Variants in MAF observed in about 807,000 individuals in gnomAD.
MAF encodes the protein transcription factor Maf.
MAF carries 10 observed loss-of-function variants against 22.0 expected under a neutral mutation model. That is an observed-to-expected ratio of 0.45 (90% CI 0.28 to 0.77). The LOEUF is 0.77. Among genes scored for constraint, MAF ranks in the 30% least tolerant of loss-of-function variants. MAF has a pLI of 0.12. For synonymous variants in MAF, 337 were observed against 255.8 expected (o/e 1.32, Z -3.03); for missense variants, 544 against 548.4 (o/e 0.99, Z 0.08).
chr16:79,450,065 T>C, the MAF span, among the ~76,000 whole-genome samples: 12 of 152,218 alleles, frequency 7.9e-5, no homozygotes, highest in Admixed American at 3.3e-4. Context: ...CCTCTTTCCA[T>C]AGTATTCCCT....
At chr16:79,221,827 A>G in the MAF span, among the ~76,000 whole-genome samples, 1 of 152,196 alleles carries the variant, frequency 6.6e-6, no homozygotes, top group Non-Finnish European at 1.5e-5. Flanking sequence ...GAACAGACTA[A>G]TAGATCTGTG....
At chr16:79,354,856 T>A in the MAF span, among the ~76,000 whole-genome samples, 1 of 151,598 alleles carries the variant, frequency 6.6e-6, no homozygotes. Flanking sequence ...CAGAAAAAAA[T>A]AACAATCCCA....
At chr16:79,243,474 G>T in the MAF span, among the ~76,000 whole-genome samples, 1 of 151,964 alleles carries the variant, frequency 6.6e-6, no homozygotes, top group Non-Finnish European at 1.5e-5. Context: ...ACAAGAAATG[G>T]ATAGATTCCT....
chr16:79,289,867 T>TTCTTTTTTTTTC, the MAF span, among the ~76,000 whole-genome samples: 1 of 118,510 alleles, frequency 8.4e-6, no homozygotes, highest in Non-Finnish European at 1.7e-5. Flanking sequence ...TTTTTTTTTT[T>TTCTTTTTTTTTC]TGTGAGACGG....
chr16:79,457,527 A>T, the MAF span, among the ~76,000 whole-genome samples: 1 of 152,146 alleles, frequency 6.6e-6, no homozygotes, highest in Non-Finnish European at 1.5e-5. Context: ...GTCAGCAGCA[A>T]ATCCAATCTG....
the MAF span, among the ~76,000 whole-genome samples, chr16:79,519,529 A>G: frequency 2.6e-5 from 4 of 152,078 alleles, 1 homozygote; most frequent in Admixed American, 2.0e-4. Context: ...GGCCTCCCTT[A>G]CCACTCTCTG....
chr16:79,294,492 T>C, the MAF span, among the ~76,000 whole-genome samples: 6 of 152,176 alleles, frequency 3.9e-5, no homozygotes, highest in Admixed American at 2.6e-4. Flanking sequence ...GCTCAGATGC[T>C]CCCTAGTTCA....
At chr16:79,368,541 T>C in the MAF span, among the ~76,000 whole-genome samples, 116 of 152,260 alleles carry the variant, frequency 7.6e-4, no homozygotes, top group African/African-American at 2.6e-3. Flanking sequence ...AAGTGTCTAC[T>C]GTGCATAATG....
chr16:79,597,183 G>T (rs1567564436), intron 1 of MAF: 2 of 1,053,556 alleles, frequency 1.9e-6, no homozygotes, highest in Non-Finnish European at 2.3e-6. Context: ...ACAATTTAGT[G>T]CATCAATCGT....
the MAF span, among the ~76,000 whole-genome samples, chr16:79,267,026 C>G: frequency 4.2e-4 from 64 of 152,358 alleles, no homozygotes; most frequent in African/African-American, 1.5e-3. Flanking sequence ...TAGTTATTTA[C>G]TAGTCTGTCT....
the MAF span, among the ~76,000 whole-genome samples, chr16:79,577,719 A>G: frequency 6.6e-6 from 1 of 152,206 alleles, no homozygotes; most frequent in Non-Finnish European, 1.5e-5. Context: ...TTAAAATCTG[A>G]CTTTCATAAT....
chr16:79,371,712 G>A, the MAF span, among the ~76,000 whole-genome samples: 1 of 152,084 alleles, frequency 6.6e-6, no homozygotes, highest in Admixed American at 6.6e-5. Context: ...CTCCCTCTTT[G>A]CTAACTACCC....
chr16:79,289,867 T>TTTTTTTTTTTTTA, the MAF span, among the ~76,000 whole-genome samples: 1 of 118,534 alleles, frequency 8.4e-6, no homozygotes, highest in Non-Finnish European at 1.7e-5. Flanking sequence ...TTTTTTTTTT[T>TTTTTTTTTTTTTA]TGTGAGACGG....
At chr16:79,327,441 T>A in the MAF span, among the ~76,000 whole-genome samples, 19 of 152,276 alleles carry the variant, frequency 1.2e-4, no homozygotes, top group Non-Finnish European at 2.5e-4. Context: ...TGGAGGCAGA[T>A]GGGTCTGGGG....
chr16:79,481,629 TACCCATCCACCC>T, the MAF span, among the ~76,000 whole-genome samples: 1 of 152,032 alleles, frequency 6.6e-6, no homozygotes, highest in Non-Finnish European at 1.5e-5. Context: ...TCCATCCATC[TACCCATCCACCC>T]ACCCATCCAC....
the MAF span, among the ~76,000 whole-genome samples, chr16:79,517,303 G>T: frequency 6.6e-6 from 1 of 152,320 alleles, no homozygotes; most frequent in South Asian, 2.1e-4. Context: ...AACATGTGGA[G>T]ACAAACGATT....
the MAF span, among the ~76,000 whole-genome samples, chr16:79,300,996 A>C: frequency 3.9e-4 from 59 of 152,058 alleles, no homozygotes; most frequent in Non-Finnish European, 7.4e-4. Context: ...GGAGACGGGA[A>C]TAAAAGAGAG....
the MAF span, among the ~76,000 whole-genome samples, chr16:79,360,093 C>G: frequency 6.6e-6 from 1 of 152,244 alleles, no homozygotes; most frequent in East Asian, 1.9e-4. Context: ...GAATGGCTGC[C>G]TTGGAACACA....
the MAF span, among the ~76,000 whole-genome samples, chr16:79,275,926 G>A: frequency 6.6e-6 from 1 of 152,154 alleles, no homozygotes. Context: ...CAGATCACGA[G>A]GTCAGGAGAT....
Sources: gnomAD v4.1 joint callset for allele counts (sites outside exome capture counted in the v4.1 genomes callset) on GRCh38, gnomAD v4.1.1 for gene constraint, MANE v1.5 for transcripts, NCBI Gene and HGNC (gene_info 2026-07-23, HGNC 2026-07-21) for gene names.